Variants in CDH13 observed in about 807,000 individuals in gnomAD.
CDH13 encodes the protein cadherin 13.
Under a neutral mutation model 63.8 loss-of-function variants are expected in CDH13, and 24 were observed. The observed-to-expected ratio is 0.38, with a 90% CI of 0.27 to 0.53. The LOEUF (loss-of-function observed/expected upper bound fraction) is 0.53. Ranked by LOEUF, CDH13 falls within the 20% of genes least tolerant of loss-of-function variation. The pLI is 0.85. For synonymous variants in CDH13, 503 were observed against 355.3 expected, an observed-to-expected ratio of 1.42 and a Z score of -4.67; for missense variants, 1,049 against 903.1, an observed-to-expected ratio of 1.16 and a Z score of -2.07.
At chr16:83,301,654 G>A (rs1275592196) in intron 5 of CDH13, among the ~76,000 whole-genome samples, 1 of 152,118 alleles carries the variant, frequency 6.6e-6, no homozygotes, top group Non-Finnish European at 1.5e-5. Context: ...GCTTTACGAA[G>A]AGTTTTTGAA....
chr16:83,069,712 G>A lies in CDH13; in HGVS notation c.366+37494G>A, dbSNP rs867687863. On this transcript the variant is annotated intron_variant, in intron 3 of 13. Coordinates refer to ENST00000567109, the MANE Select transcript of CDH13 (RefSeq NM_001257.5). ...GCTGGGGCCATCCTCACCCTGATTG[G>A]CTCTCCCCAAAGGCTCACTCTGACA... 1.3e-3 allele frequency among the ~76,000 whole-genome samples: 192 copies of A among 152,182 alleles called. 1 individual carries two copies. Among genetic ancestry groups the A allele is most frequent in the African/African-American group, 4.3e-3 (180 of 41,522 alleles).
intron 1 of CDH13, among the ~76,000 whole-genome samples, chr16:82,809,553 C>T (rs925918160): frequency 6.6e-6 from 1 of 152,090 alleles, no homozygotes. Flanking sequence ...ACCCTGAAAT[C>T]AGGTCTGAGT....
At chr16:83,373,381 G>C (rs937488802) in intron 6 of CDH13, among the ~76,000 whole-genome samples, 1 of 152,124 alleles carries the variant, frequency 6.6e-6, no homozygotes, top group African/African-American at 2.4e-5. Flanking sequence ...GATCTAGAAG[G>C]CTCCCAGGCA....
intron 2 of CDH13, among the ~76,000 whole-genome samples, chr16:83,009,352 T>C (rs1436078219): frequency 6.6e-6 from 1 of 152,248 alleles, no homozygotes; most frequent in African/African-American, 2.4e-5. Flanking sequence ...GATTATGATA[T>C]TTATTCAAAG....
chr16:83,483,618 A>T (rs187795536), intron 6 of CDH13, among the ~76,000 whole-genome samples: 84 of 152,304 alleles, frequency 5.5e-4, no homozygotes, highest in African/African-American at 1.9e-3. Context: ...ACATTAACTA[A>T]GTGCAAGGCC....
At chr16:83,024,741 G>A (rs998037669) in intron 2 of CDH13, among the ~76,000 whole-genome samples, 9 of 152,176 alleles carry the variant, frequency 5.9e-5, no homozygotes, top group East Asian at 5.8e-4. Context: ...ACATTTGTAC[G>A]AAGTTGTCTT....
intron 3 of CDH13, among the ~76,000 whole-genome samples, chr16:83,037,746 A>T (rs1189163472): frequency 1.3e-5 from 2 of 152,160 alleles, no homozygotes; most frequent in Non-Finnish European, 2.9e-5. Context: ...GTTTTGGCTT[A>T]TGTTGGACAT....
chr16:83,154,233 A>G (rs2037111952), intron 4 of CDH13, among the ~76,000 whole-genome samples: 1 of 152,062 alleles, frequency 6.6e-6, no homozygotes, highest in Admixed American at 6.6e-5. Context: ...GTTGAAACTG[A>G]TCTGCAATGA....
intron 1 of CDH13, among the ~76,000 whole-genome samples, chr16:82,722,510 C>T (rs988748752): frequency 9.2e-5 from 14 of 152,152 alleles, no homozygotes; most frequent in Admixed American, 6.5e-5. Context: ...GGTACTGTGC[C>T]AGATGAACTG....
At chr16:82,693,601 T>C (rs562489763) in intron 1 of CDH13, among the ~76,000 whole-genome samples, 33 of 152,354 alleles carry the variant, frequency 2.2e-4, no homozygotes, top group African/African-American at 6.0e-4. Flanking sequence ...TAGACACTTA[T>C]GCAAACATGC....
At chr16:83,008,933 A>G (rs935769843) in intron 2 of CDH13, among the ~76,000 whole-genome samples, 5 of 152,188 alleles carry the variant, frequency 3.3e-5, no homozygotes, top group African/African-American at 1.2e-4. Context: ...AAACACGTCC[A>G]TCTTCACTTG....
chr16:83,035,529 A>G (rs1916768858), intron 3 of CDH13, among the ~76,000 whole-genome samples: 1 of 152,144 alleles, frequency 6.6e-6, no homozygotes, highest in Admixed American at 6.5e-5. Context: ...GGAGGAACTG[A>G]GGCACAAAGA....
intron 9 of CDH13, among the ~76,000 whole-genome samples, chr16:83,673,108 G>C (rs574027030): frequency 1.7e-4 from 26 of 152,250 alleles, no homozygotes; most frequent in Admixed American, 3.3e-4. Context: ...ATATATAGGA[G>C]TACATTACAA....
At chr16:82,851,414 G>T (rs2039475968) in intron 1 of CDH13, among the ~76,000 whole-genome samples, 1 of 142,796 alleles carries the variant, frequency 7.0e-6, no homozygotes, top group Non-Finnish European at 1.5e-5. Context: ...CAGCCTGGGT[G>T]ACAGAGTGAG....
chr16:82,824,204 A>C (rs780550249), intron 1 of CDH13: 27 of 152,192 alleles, frequency 1.8e-4, no homozygotes, highest in Non-Finnish European at 1.6e-4. Flanking sequence ...AAATACACTA[A>C]ATCTGTTTAA....
At chr16:83,109,406 C>T (rs924286596) in intron 3 of CDH13, among the ~76,000 whole-genome samples, 3 of 152,018 alleles carry the variant, frequency 2.0e-5, no homozygotes, top group African/African-American at 4.8e-5. Context: ...TGGGAAGGGC[C>T]GGATTTTCAG....
intron 1 of CDH13, among the ~76,000 whole-genome samples, chr16:82,694,899 G>A (rs1455931915): frequency 2.0e-5 from 3 of 152,138 alleles, no homozygotes; most frequent in African/African-American, 7.2e-5. Flanking sequence ...TTCTTACTGA[G>A]CATAACAGAT....
chr16:83,228,755 A>G (rs1467277689), intron 5 of CDH13, among the ~76,000 whole-genome samples: 1 of 152,220 alleles, frequency 6.6e-6, no homozygotes, highest in East Asian at 1.9e-4. Context: ...TGGGACTCGC[A>G]TGCTAAGGAG....
At chr16:83,105,972 C>T (rs1291748633) in intron 3 of CDH13, among the ~76,000 whole-genome samples, 1 of 152,164 alleles carries the variant, frequency 6.6e-6, no homozygotes, top group Non-Finnish European at 1.5e-5. Context: ...GTTGGGACCA[C>T]AAAAGTTGTG....
Sources: allele counts gnomAD v4.1 joint callset (sites outside exome capture counted in the v4.1 genomes callset), GRCh38; gene constraint gnomAD v4.1.1; transcripts MANE v1.5; gene names NCBI Gene and HGNC (gene_info 2026-07-23, HGNC 2026-07-21).